Variants in HDAC5 observed in about 807,000 individuals in gnomAD.
HDAC5 encodes the protein antigen NY-CO-9.
A neutral mutation model predicts 133.3 loss-of-function variants in HDAC5; 25 were observed. The ratio of observed to expected loss-of-function variants is 0.19; its 90% CI spans 0.14 to 0.26. The LOEUF (loss-of-function observed/expected upper bound fraction) is 0.26. Ranked by LOEUF, HDAC5 falls within the 10% of genes least tolerant of loss-of-function variation. The probability of loss-of-function intolerance (pLI) is 1.00; values close to 1 mark genes in which losing one functional copy is unlikely to be tolerated. For missense variants in HDAC5, 1,041 were observed against 1,460.5 expected (o/e 0.71, Z 4.68); for synonymous variants, 589 against 610.8 (o/e 0.96, Z 0.53).
chr17:44,080,944 C>T (rs1332526886), intron 20 of HDAC5, 62 bp from the exon 21 acceptor site: 3 of 1,607,526 alleles, frequency 1.9e-6, no homozygotes, highest in African/African-American at 2.7e-5. Context: ...GGTCAAATTC[C>T]ACCTGTCAGC....
intron 3 of HDAC5, among the ~76,000 whole-genome samples, chr17:44,097,043 G>C (rs936893090): frequency 1.3e-5 from 2 of 152,238 alleles, no homozygotes; most frequent in African/African-American, 4.8e-5. Flanking sequence ...AAAGAGAAGA[G>C]AGGGAGGTGG....
chr17:44,122,718 G>T (rs1379812462), intron 1 of HDAC5, among the ~76,000 whole-genome samples: 1 of 152,122 alleles, frequency 6.6e-6, no homozygotes, highest in Non-Finnish European at 1.5e-5. Flanking sequence ...CCCAGGGAAG[G>T]GTGGGGTGGA....
At position 44,078,168 on chromosome 17, in the gene HDAC5, GAC is replaced by G; in HGVS notation, c.*206_*207del. On this transcript the variant is annotated 3_prime_UTR_variant, in exon 27 of 27. Coordinates refer to ENST00000682912, the MANE Select transcript of HDAC5 (RefSeq NM_005474.5). ...GGGACACATGGGACAGGGCTGGGAA[GAC>G]ACCACCACCCCCTGCAGAGGGAGCA... 2.0e-6 allele frequency: 1 copy of G among 493,980 alleles called. No individual in the cohort carries two copies. The highest frequency in any genetic ancestry group is 3.5e-6 in the Non-Finnish European group (1 of 282,822). The allele number at this position is 493,980 out of a possible 1,614,324, so 30.6% of individuals were successfully genotyped here. A position where few individuals can be genotyped will look rare whatever the true frequency, so the allele number is the denominator to read the frequency against.
intron 3 of HDAC5, among the ~76,000 whole-genome samples, chr17:44,104,865 G>C (rs1023511022): frequency 2.0e-5 from 3 of 152,150 alleles, no homozygotes; most frequent in African/African-American, 4.8e-5. Context: ...TGAGGACATA[G>C]GAGGCCCTAA....
At chr17:44,118,141 C>G (rs2052764314) in intron 1 of HDAC5, among the ~76,000 whole-genome samples, 1 of 152,206 alleles carries the variant, frequency 6.6e-6, no homozygotes, top group African/African-American at 2.4e-5. Context: ...GCCTCCATAG[C>G]CTAAGCTGGG....
intron 1 of HDAC5, chr17:44,120,741 C>CAA (rs768119448): frequency 1.2e-4 from 15 of 123,600 alleles, no homozygotes; most frequent in African/African-American, 3.5e-4. Context: ...ATCTCCATCT[C>CAA]AAAAAAAAAA....
chr17:44,091,222 T>G (rs998570684), intron 11 of HDAC5, 48 bp downstream of exon 11: 98 of 1,395,208 alleles, frequency 7.0e-5, no homozygotes, highest in Non-Finnish European at 8.9e-5. Context: ...CCCTGACAGT[T>G]GGTCCTGACC....
intron 3 of HDAC5, among the ~76,000 whole-genome samples, chr17:44,100,705 C>A (rs1241599662): frequency 6.7e-6 from 1 of 149,650 alleles, no homozygotes; most frequent in East Asian, 2.1e-4. Context: ...GAGCTGAGAT[C>A]GCGCCATTGC....
rs772296546 is a variant in HDAC5, at chr17:44,080,387, T to C, written c.2825+14A>G. On this transcript the variant is annotated intron_variant, in intron 22 of 26. Transcript: ENST00000682912. Reference sequence around the variant, plus strand: ...GGGCTCCCACTGACTACCATGGCCCTTTTCAGTCCCTACCTGAAGGCTGTA... The same window carrying C: ...GGGCTCCCACTGACTACCATGGCCCCTTTCAGTCCCTACCTGAAGGCTGTA... 6.2e-7 allele frequency: 1 copy of C among 1,611,584 alleles called. No homozygotes were observed. The highest frequency in any genetic ancestry group is 1.1e-5 in the South Asian group (1 of 91,004).
In HDAC5 at chr17:44,111,532, G is replaced by A. The variant is rs1213854996; in HGVS notation, c.23-732C>T. 3 of 494,272 alleles carry A rather than the reference G, an allele frequency of 6.1e-6. No individual in the cohort carries two copies. In the Admixed American group the frequency reaches 6.3e-5, roughly 10 times the overall value. The allele number at this position is 494,272 out of a possible 1,614,324, so 30.6% of individuals were successfully genotyped here. ...TGCTACTCTTGGCAAGCAAGCCAGG[G>A]GATGGAGACCAAGAAGCCAGACTCA... On this transcript the variant is annotated intron_variant, in intron 2 of 26. Transcript: ENST00000682912.
chr17:44,123,280 A>AG, intron 1 of HDAC5: 1 of 310,866 alleles, frequency 3.2e-6, no homozygotes, highest in East Asian at 5.2e-5. Flanking sequence ...CCTGTCTGGG[A>AG]GGGGCAGGGA....
chr17:44,108,258 T>A (rs148482170), intron 3 of HDAC5, among the ~76,000 whole-genome samples: 1 of 152,256 alleles, frequency 6.6e-6, no homozygotes, highest in Non-Finnish European at 1.5e-5. Flanking sequence ...CTGGGGTGAC[T>A]CACTAAAGCT....
Position 44,092,432 on chromosome 17 carries a change from T to TAAC in HDAC5, c.865_867dup (p.Val289dup), listed in dbSNP as rs1445248844. The stretch of plus-strand genomic sequence containing the variant: ...ACAGCTCTCTTCTTAAAGGTGCTAA[T>TAAC]AACAGTCCCATCCTTGCGACGCAGG... On this transcript the variant is annotated inframe_insertion, in exon 8 of 27. Transcript: ENST00000682912. 2.5e-6 allele frequency: 4 copies of TAAC among 1,613,934 alleles called. No homozygotes were observed. Among genetic ancestry groups the TAAC allele is most frequent in the Non-Finnish European group, 3.4e-6 (4 of 1,179,980 alleles).
rs369694988 is a variant in HDAC5, at chr17:44,117,859, C to A, written c.-189-155G>T. ...GGAGAAATCTGCAGAACTGGATAGA[C>A]CCTGGTTTCTTATCTTACTAACTGA... On this transcript the variant is annotated intron_variant, in intron 1 of 26. Coordinates refer to ENST00000682912, the MANE Select transcript of HDAC5 (RefSeq NM_005474.5). The surrounding 1 kb of genome is among the most constrained non-coding windows in gnomAD (Gnocchi z 4.2). Among the ~76,000 whole-genome samples, 2 of 152,130 alleles carry A rather than the reference C, an allele frequency of 1.3e-5. No individual in the cohort carries two copies. Among genetic ancestry groups the A allele is most frequent in the Non-Finnish European group, 2.9e-5 (2 of 68,006 alleles).
At chr17:44,094,746 A>G (rs556965490) in intron 3 of HDAC5, among the ~76,000 whole-genome samples, 137 of 150,584 alleles carry the variant, frequency 9.1e-4, no homozygotes, top group African/African-American at 3.1e-3. Context: ...GTGTGTACGT[A>G]TGTGTGTGTA....
intron 3 of HDAC5, among the ~76,000 whole-genome samples, chr17:44,105,970 G>T (rs560878280): frequency 6.6e-6 from 1 of 152,186 alleles, no homozygotes; most frequent in Non-Finnish European, 1.5e-5. Flanking sequence ...TTGTTGGGGG[G>T]GCAGGGTGTC....
chr17:44,093,738 A>C lies in HDAC5; in HGVS notation c.191T>G (p.Val64Gly). The change falls in exon 4 of 27, where the codon GTG becomes GGG. Residue 64 changes from valine (V) to glycine (G), a missense_variant. This residue lies in a region of HDAC5 where 93 missense variants were observed against 98.8 expected (regional missense o/e 0.94). Coordinates refer to ENST00000682912, the MANE Select transcript of HDAC5 (RefSeq NM_005474.5). ...PSPVELRGAL[V>G]GSVDPTLREQ... ...CCGCAGTGTGGGGTCCACAGAGCCC[A>C]CCAGAGCCCCCCGTAGCTCCACAGG... 6.2e-7 allele frequency: 1 copy of C among 1,604,332 alleles called. No individual in the cohort carries two copies. Among genetic ancestry groups the C allele is most frequent in the Non-Finnish European group, 8.5e-7 (1 of 1,175,530 alleles).
intron 2 of HDAC5, among the ~76,000 whole-genome samples, chr17:44,114,175 G>A (rs1237684932): frequency 3.3e-5 from 5 of 152,268 alleles, no homozygotes; most frequent in Admixed American, 3.3e-4. Context: ...GAATGATAGA[G>A]CAGGGAAGAG....
At chr17:44,119,335 G>A (rs1287519344) in intron 1 of HDAC5, among the ~76,000 whole-genome samples, 1 of 152,224 alleles carries the variant, frequency 6.6e-6, no homozygotes, top group Non-Finnish European at 1.5e-5. Context: ...ATTCCCAGCA[G>A]CCTGAGTAGC....
Sources: allele counts gnomAD v4.1 joint callset (sites outside exome capture counted in the v4.1 genomes callset), GRCh38; gene constraint gnomAD v4.1.1; regional missense constraint gnomAD v4.1.1; non-coding constraint Gnocchi (gnomAD v3.1); transcripts MANE v1.5; gene names NCBI Gene and HGNC (gene_info 2026-07-23, HGNC 2026-07-21).